RARB: variants seen among roughly 807,000 people sequenced by gnomAD.
The protein encoded by RARB is retinoic acid receptor beta.
In RARB, 17 loss-of-function variants were observed where a neutral mutation model predicts 51.9. The ratio of observed to expected loss-of-function variants is 0.33; its 90% confidence interval spans 0.22 to 0.49. RARB has a LOEUF of 0.49. Among genes scored for constraint, RARB ranks in the 20% least tolerant of loss-of-function variants. The pLI is 0.99. For synonymous variants in RARB, 215 were observed against 195.4 expected, an observed-to-expected ratio of 1.10 and a Z score of -0.84; for missense variants, 369 against 550.8, an observed-to-expected ratio of 0.67 and a Z score of 3.30.
intron 3 of RARB, among the ~76,000 whole-genome samples, chr3:25,528,804 C>T (rs1175668467): frequency 6.6e-6 from 1 of 152,040 alleles, no homozygotes; most frequent in Non-Finnish European, 1.5e-5. Context: ...TCTGATGTGT[C>T]CACTTTCAGA....
intron 5 of RARB, among the ~76,000 whole-genome samples, chr3:25,256,768 G>A (rs578072713): frequency 1.3e-5 from 2 of 152,006 alleles, no homozygotes; most frequent in South Asian, 4.1e-4. Context: ...AGAGTTCTTT[G>A]GCAAACGTGT....
At chr3:25,249,013 G>A (rs1702638939) in intron 5 of RARB, among the ~76,000 whole-genome samples, 1 of 151,952 alleles carries the variant, frequency 6.6e-6, no homozygotes, top group African/African-American at 2.4e-5. Context: ...CTATTATTTT[G>A]TTAAATAGGT....
intron 5 of RARB, among the ~76,000 whole-genome samples, chr3:25,270,598 C>A (rs1575273457): frequency 1.3e-5 from 2 of 152,130 alleles, no homozygotes; most frequent in Admixed American, 1.3e-4. Context: ...GGTTTATATG[C>A]AAAACTTAAT....
At chr3:25,388,173 T>G (rs984693118) in intron 5 of RARB, among the ~76,000 whole-genome samples, 3 of 152,206 alleles carry the variant, frequency 2.0e-5, no homozygotes, top group Non-Finnish European at 2.9e-5. Flanking sequence ...TGTTCAAAAG[T>G]ATTGCAGAAA....
intron 1 of RARB, chr3:25,458,534 T>TC (rs1175259747): frequency 1.3e-5 from 2 of 152,204 alleles, no homozygotes; most frequent in Non-Finnish European, 2.9e-5. Flanking sequence ...CTTTTGCATC[T>TC]ACTGCTTGAT....
At chr3:25,340,786 C>T (rs1489309762) in intron 5 of RARB, among the ~76,000 whole-genome samples, 3 of 152,120 alleles carry the variant, frequency 2.0e-5, no homozygotes, top group Non-Finnish European at 2.9e-5. Flanking sequence ...GGGAGGATCT[C>T]GCTTTGGAGA....
intron 2 of RARB, among the ~76,000 whole-genome samples, chr3:25,045,413 T>A (rs1698195310): frequency 6.6e-6 from 1 of 152,152 alleles, no homozygotes; most frequent in Non-Finnish European, 1.5e-5. Flanking sequence ...ACTCTTTGTA[T>A]CTGAGAGGTT....
intron 2 of RARB, among the ~76,000 whole-genome samples, chr3:24,864,171 G>C (rs1321344551): frequency 6.6e-6 from 1 of 152,162 alleles, no homozygotes; most frequent in Non-Finnish European, 1.5e-5. Context: ...CACAGTCACT[G>C]ATGTTCTGAT....
intron 2 of RARB, among the ~76,000 whole-genome samples, chr3:24,959,647 G>C (rs565983909): frequency 6.6e-6 from 1 of 152,180 alleles, no homozygotes; most frequent in African/African-American, 2.4e-5. Flanking sequence ...GCCCTTTTCC[G>C]TCTAGAATTC....
chr3:25,174,239 T>A (rs191995701), exon 5 of RARB: 1 of 445,782 alleles, frequency 2.2e-6, no homozygotes, highest in African/African-American at 2.0e-5. Flanking sequence ...GAAACCATGC[T>A]GGGAAGAAGC....
At chr3:25,055,436 G>A (rs1348705408) in intron 2 of RARB, among the ~76,000 whole-genome samples, 5 of 152,070 alleles carry the variant, frequency 3.3e-5, no homozygotes, top group Non-Finnish European at 7.4e-5. Context: ...AGAATTGAAA[G>A]TACAATATAT....
intron 2 of RARB, among the ~76,000 whole-genome samples, chr3:24,865,185 T>A (rs1702824077): frequency 6.6e-6 from 1 of 152,160 alleles, no homozygotes; most frequent in South Asian, 2.1e-4. Flanking sequence ...ATTATATGCA[T>A]GAACTATAGG....
chr3:25,586,253 T>C (rs1701382379), intron 5 of RARB, among the ~76,000 whole-genome samples: 1 of 152,062 alleles, frequency 6.6e-6, no homozygotes, highest in Non-Finnish European at 1.5e-5. Flanking sequence ...AAAAGCCTTC[T>C]CCGACCAGCC....
At chr3:25,356,310 A>G (rs1052114583) in intron 5 of RARB, among the ~76,000 whole-genome samples, 3 of 152,098 alleles carry the variant, frequency 2.0e-5, no homozygotes, top group Non-Finnish European at 4.4e-5. Context: ...AATTTTAACT[A>G]TAGGAGGGAA....
intron 3 of RARB, among the ~76,000 whole-genome samples, chr3:25,121,850 T>G (rs1426754693): frequency 6.6e-6 from 1 of 152,154 alleles, no homozygotes; most frequent in African/African-American, 2.4e-5. Flanking sequence ...TTGAAGACCA[T>G]TTGGAGGTTC....
chr3:24,940,838 T>C (rs946882815), intron 2 of RARB, among the ~76,000 whole-genome samples: 1 of 152,172 alleles, frequency 6.6e-6, no homozygotes, highest in African/African-American at 2.4e-5. Context: ...GTCAGTTAAC[T>C]TTTTGAAGTA....
chr3:25,064,699 G>A (rs553167471), intron 3 of RARB, among the ~76,000 whole-genome samples: 8 of 152,114 alleles, frequency 5.3e-5, no homozygotes, highest in East Asian at 3.9e-4. Flanking sequence ...AGGAAACTAA[G>A]GTTCTGAGAC....
At chr3:25,242,711 C>A (rs969279149) in intron 5 of RARB, among the ~76,000 whole-genome samples, 1 of 152,066 alleles carries the variant, frequency 6.6e-6, no homozygotes, top group Non-Finnish European at 1.5e-5. Flanking sequence ...GTTATTGTAG[C>A]CTTGTAATAT....
chr3:25,112,855 A>C (rs376420263), intron 3 of RARB, among the ~76,000 whole-genome samples: 2 of 152,212 alleles, frequency 1.3e-5, no homozygotes, highest in Non-Finnish European at 2.9e-5. Flanking sequence ...TTTTGAGGGC[A>C]GAGTCATGTC....
Sources: allele counts gnomAD v4.1 joint callset (sites outside exome capture counted in the v4.1 genomes callset), GRCh38; gene constraint gnomAD v4.1.1; transcripts MANE v1.5; gene names NCBI Gene and HGNC (gene_info 2026-07-23, HGNC 2026-07-21).